IKZF1: variants seen among roughly 807,000 people sequenced by gnomAD.
IKZF1 encodes the protein DNA-binding protein Ikaros.
Under a neutral mutation model 51.7 loss-of-function variants are expected in IKZF1, and 10 were observed. That is an observed-to-expected ratio of 0.19 (90% CI 0.12 to 0.33). The LOEUF (loss-of-function observed/expected upper bound fraction) is 0.33. Among genes scored for constraint, IKZF1 ranks in the 10% least tolerant of loss-of-function variants. The pLI is 1.00. For synonymous variants in IKZF1, 280 were observed against 282.3 expected (o/e 0.99, Z 0.08); for missense variants, 484 against 707.5 (o/e 0.68, Z 3.58).
At chr7:50,365,980 A>T (rs1420915388) in intron 3 of IKZF1, among the ~76,000 whole-genome samples, 1 of 152,242 alleles carries the variant, frequency 6.6e-6, no homozygotes, top group Non-Finnish European at 1.5e-5. Flanking sequence ...TTGCAGGAAC[A>T]TGGATGGAGC....
chr7:50,400,304 T>C lies in IKZF1; in HGVS notation c.1237T>C (p.Tyr413His). The change falls in exon 8 of 8, where the codon TAC becomes CAC. Residue 413 changes from tyrosine to histidine, a missense_variant. Physicochemically the swap from Tyr to His is moderately conservative, Grantham distance 83 (BLOSUM62 2). Coordinates refer to ENST00000331340, the MANE Select transcript of IKZF1 (RefSeq NM_006060.6). The surrounding 1 kb of genome is among the most constrained non-coding windows in gnomAD (Gnocchi z 5.4). ...CGAGGAGCAGCGCAGCGGTCTCATC[T>C]ACCTGACCAACCACATCGCCCCGCA... ...NNEEQRSGLI[Y>H]LTNHIAPHAR... 1 of 1,612,990 alleles carries C rather than the reference T, an allele frequency of 6.2e-7. No individual in the cohort carries two copies. Among genetic ancestry groups the C allele is most frequent in the Non-Finnish European group, 8.5e-7 (1 of 1,179,694 alleles).
intron 3 of IKZF1, among the ~76,000 whole-genome samples, chr7:50,363,943 C>T (rs1470870886): frequency 1.3e-5 from 2 of 152,210 alleles, no homozygotes; most frequent in East Asian, 1.9e-4. Flanking sequence ...GCCAAGGTAC[C>T]ACAAACCATA....
chr7:50,338,727 G>A (rs1208740148), intron 3 of IKZF1, among the ~76,000 whole-genome samples: 1 of 152,238 alleles, frequency 6.6e-6, no homozygotes, highest in Non-Finnish European at 1.5e-5. Context: ...CTCTTGCTCT[G>A]GGGGAGTGGG....
At chr7:50,364,743 G>A (rs146393350) in intron 3 of IKZF1, among the ~76,000 whole-genome samples, 1,570 of 152,308 alleles carry the variant, frequency 0.01, 21 homozygotes, top group Non-Finnish European at 0.013. Context: ...CAGACCTGGG[G>A]CCAGCTGGCT....
intron 3 of IKZF1, among the ~76,000 whole-genome samples, chr7:50,340,619 C>T (rs1439958461): frequency 2.6e-5 from 4 of 152,188 alleles, no homozygotes; most frequent in Non-Finnish European, 5.9e-5. Flanking sequence ...TATTATGATT[C>T]TTGGAACCTG....
chr7:50,368,607 C>T (rs1807718331), intron 3 of IKZF1: 1 of 448,116 alleles, frequency 2.2e-6, no homozygotes. Context: ...TTGGTGCCCG[C>T]AGGACCTTCT....
intron 3 of IKZF1, among the ~76,000 whole-genome samples, chr7:50,357,192 T>G (rs1474962886): frequency 6.6e-6 from 1 of 151,852 alleles, no homozygotes; most frequent in Non-Finnish European, 1.5e-5. Flanking sequence ...CCAGTTCCCT[T>G]AAACCACCTC....
At chr7:50,312,704 C>G (rs1185507621) in intron 1 of IKZF1, among the ~76,000 whole-genome samples, 1 of 152,104 alleles carries the variant, frequency 6.6e-6, no homozygotes, top group African/African-American at 2.4e-5. Flanking sequence ...TCCCTTTGAC[C>G]CTTCCTCTTT....
chr7:50,322,415 T>TG (rs1480088279), intron 2 of IKZF1, among the ~76,000 whole-genome samples: 1 of 152,122 alleles, frequency 6.6e-6, no homozygotes, highest in African/African-American at 2.4e-5. Context: ...TTCAAAGCAC[T>TG]GGGTTATTTG....
At chr7:50,370,755 G>A (rs1808424692) in intron 3 of IKZF1, among the ~76,000 whole-genome samples, 1 of 152,206 alleles carries the variant, frequency 6.6e-6, no homozygotes, top group South Asian at 2.1e-4. Context: ...TCCGGAGAAA[G>A]AGAGGACCAG....
intron 1 of IKZF1, among the ~76,000 whole-genome samples, chr7:50,309,620 G>T (rs899901223): frequency 6.6e-6 from 1 of 152,158 alleles, no homozygotes; most frequent in African/African-American, 2.4e-5. Context: ...TACCTTTAAA[G>T]CATTTTCTGT....
rs565044138 is a variant in IKZF1 at position 50,396,625 on chromosome 7, A to C, written c.851-3293A>C. ...CCTAGTAACCCTGACATTTCTTTTCATCTTGCTTATTCTAGTTGGTCTGAT... is the reference window on the plus strand; with the variant it reads ...CCTAGTAACCCTGACATTTCTTTTCCTCTTGCTTATTCTAGTTGGTCTGAT... On this transcript the variant is annotated intron_variant, in intron 7 of 7. Transcript: ENST00000331340. Among the ~76,000 whole-genome samples, 3 of 151,814 alleles carry C rather than the reference A, an allele frequency of 2.0e-5. No homozygotes were observed. The South Asian group carries it at 6.2e-4, about 31-fold the overall frequency.
intron 1 of IKZF1, among the ~76,000 whole-genome samples, chr7:50,310,670 C>T (rs1434943090): frequency 6.6e-6 from 1 of 152,180 alleles, no homozygotes; most frequent in Non-Finnish European, 1.5e-5. Flanking sequence ...CTTCCAGATT[C>T]GGGTTACAGG....
intron 3 of IKZF1, among the ~76,000 whole-genome samples, chr7:50,341,854 C>T (rs1799146310): frequency 6.6e-6 from 1 of 151,542 alleles, no homozygotes; most frequent in East Asian, 1.9e-4. Context: ...ATCTTCACCA[C>T]ACATTTCAAT....
At position 50,404,654 on chromosome 7, in the gene IKZF1, G is replaced by A. The variant is rs995488963; in HGVS notation, c.*4027G>A. ...CCTCCCATCTACAACAGTGCTGGAC[G>A]TGGGAATTCTAAGTCCCAGTCTTGA... is the stretch of plus-strand genomic sequence containing the variant. On this transcript the variant is annotated 3_prime_UTR_variant, in exon 8 of 8. Transcript: ENST00000331340. 3.4e-4 allele frequency: 78 copies of A among 230,572 alleles called. No individual in the cohort carries two copies. The highest frequency in any genetic ancestry group is 2.4e-4 in the Non-Finnish European group (28 of 116,384). The allele number at this position is 230,572 out of a possible 1,614,324, so 14.3% of individuals were successfully genotyped here.
chr7:50,365,734 A>C (rs1806705669), intron 3 of IKZF1, among the ~76,000 whole-genome samples: 2 of 152,180 alleles, frequency 1.3e-5, no homozygotes, highest in South Asian at 4.1e-4. Flanking sequence ...CAATTCCTCA[A>C]AGACCTATAT....
chr7:50,325,187 A>C (rs1794567917), intron 2 of IKZF1, among the ~76,000 whole-genome samples: 1 of 151,452 alleles, frequency 6.6e-6, no homozygotes, highest in African/African-American at 2.4e-5. Context: ...TCCCTGCTTT[A>C]TGTAGGAGAC....
intron 3 of IKZF1, among the ~76,000 whole-genome samples, chr7:50,367,259 A>T (rs1305397715): frequency 1.3e-5 from 2 of 152,126 alleles, no homozygotes; most frequent in Admixed American, 1.3e-4. Flanking sequence ...TAACAGCTAC[A>T]CTGTGTACGT....
intron 4 of IKZF1, among the ~76,000 whole-genome samples, chr7:50,378,258 A>G (rs959371786): frequency 6.6e-6 from 1 of 152,220 alleles, no homozygotes; most frequent in African/African-American, 2.4e-5. Flanking sequence ...TTCAACTTCT[A>G]AAATTAAGCA....
Sources: gnomAD v4.1 joint callset for allele counts (sites outside exome capture counted in the v4.1 genomes callset) on GRCh38, gnomAD v4.1.1 for gene constraint, Gnocchi (gnomAD v3.1) non-coding constraint, MANE v1.5 for transcripts, NCBI Gene and HGNC (gene_info 2026-07-23, HGNC 2026-07-21) for gene names.